TAF7L: variants seen among roughly 807,000 people sequenced by gnomAD.
The protein encoded by TAF7L is transcription initiation factor TFIID subunit 7-like.
In TAF7L, 6 loss-of-function variants were observed where a neutral mutation model predicts 30.2. The observed-to-expected ratio is 0.20, with a 90% confidence interval of 0.11 to 0.39. The LOEUF is 0.39. TAF7L is among the 10% of genes least tolerant of loss of function. The pLI, the probability that TAF7L is intolerant of heterozygous loss-of-function variation, is 1.00. For synonymous variants in TAF7L, 93 were observed against 94.5 expected (o/e 0.98, Z 0.09); for missense variants, 284 against 277.1 (o/e 1.03, Z -0.18).
At chrX:101,290,145 C>T (rs1364310482) in intron 1 of TAF7L, among the ~76,000 whole-genome samples, 2 of 109,803 alleles carry the variant, frequency 1.8e-5, no homozygotes, top group Non-Finnish European at 3.8e-5. Context: ...TGCAATGAGC[C>T]GAGATGGCGC....
rs1923863406 is a variant in TAF7L, at chrX:101,268,477, T to TCCCTTAGTTTTA, written c.*715_*716insTAAAACTAAGGG. ...TCTCTGCTCTAACTGTTCCCTTAGT[T>TCCCTTAGTTTTA]GGTGAATAACAACCAGCTCCATCCT... On this transcript the variant is annotated 3_prime_UTR_variant, in exon 13 of 13. Coordinates refer to ENST00000356784, the MANE Select transcript of TAF7L (RefSeq NM_001168474.2). 1 of 111,725 alleles carries TCCCTTAGTTTTA rather than the reference T, an allele frequency of 9.0e-6. No homozygotes were observed. The highest frequency in any genetic ancestry group is 1.9e-5 in the Non-Finnish European group (1 of 53,252). The allele number at this position is 111,725 out of a possible 1,213,427, so 9.2% of individuals were successfully genotyped here.
intron 2 of TAF7L, among the ~76,000 whole-genome samples, chrX:101,286,915 C>G (rs1332148727): frequency 8.9e-6 from 1 of 112,112 alleles, no homozygotes; most frequent in Non-Finnish European, 1.9e-5. Context: ...TGCTACCCTT[C>G]TGTTGTAGTT....
upstream of TAF7L, among the ~76,000 whole-genome samples, chrX:101,292,238 C>CAAA (rs776702288): frequency 2.2e-5 from 1 of 45,289 alleles, no homozygotes; most frequent in Non-Finnish European, 3.6e-5. Flanking sequence ...GACTCCGTCT[C>CAAA]AAAAAAAAAA....
At chrX:101,275,150 T>G in intron 12 of TAF7L, 72 bp downstream of exon 12, 12 of 779,716 alleles carry the variant, frequency 1.5e-5, no homozygotes, top group Non-Finnish European at 2.3e-5. Context: ...CAGCCAGCAA[T>G]GATATTGGAA....
intron 9 of TAF7L, 136 bp downstream of exon 9, chrX:101,277,470 A>AAAAT: frequency 2.8e-6 from 1 of 352,094 alleles, no homozygotes; most frequent in Non-Finnish European, 4.9e-6. Context: ...AAAAAAAAAA[A>AAAAT]GAGGGAAGGA....
At chrX:101,283,668 G>T in intron 3 of TAF7L, 85 bp from the exon 4 acceptor site, 1 of 1,013,047 alleles carries the variant, frequency 9.9e-7, no homozygotes, top group Non-Finnish European at 1.4e-6. Context: ...ACTTATGTGG[G>T]ACAGATTAGT....
chrX:101,281,771 C>T lies in TAF7L; in HGVS notation c.411G>A (p.Thr137=), dbSNP rs1489738834. Residue 137 remains threonine (T), a synonymous_variant, in exon 6 of 13, where the codon ACG becomes ACA. Coordinates refer to ENST00000356784, the MANE Select transcript of TAF7L (RefSeq NM_001168474.2). ...EEKCVWKHGI[T]PPLKNVRKKR... Reference sequence around the variant, plus strand: ...TCTTTCTGACATTCTTAAGTGGTGGCGTAACTAAAATAAATACAACACAGT... The same window carrying T: ...TCTTTCTGACATTCTTAAGTGGTGGTGTAACTAAAATAAATACAACACAGT... The T allele has an allele frequency of 1.5e-5, 18 of 1,207,254 alleles. No homozygotes were observed. Among genetic ancestry groups the T allele is most frequent in the East Asian group, 3.0e-5 (1 of 33,788 alleles).
chrX:101,272,106 T>C (rs1055119618), intron 12 of TAF7L, among the ~76,000 whole-genome samples: 1 of 111,378 alleles, frequency 9.0e-6, no homozygotes, highest in Non-Finnish European at 1.9e-5. Context: ...CCCTCAACAG[T>C]ATAAGGTTAG....
At chrX:101,274,875 A>G (rs1325514709) in intron 12 of TAF7L, among the ~76,000 whole-genome samples, 1 of 112,474 alleles carries the variant, frequency 8.9e-6, no homozygotes, top group East Asian at 2.8e-4. Context: ...ATAGGAACTT[A>G]ATTCTTCTTT....
At chrX:101,281,118 C>T (rs1201407641) in intron 6 of TAF7L, among the ~76,000 whole-genome samples, 1 of 111,390 alleles carries the variant, frequency 9.0e-6, no homozygotes, top group Admixed American at 9.6e-5. Context: ...CAAAAATACA[C>T]GAGTACAAGT....
At position 101,276,056 on chromosome X, in the gene TAF7L, T is replaced by G; in HGVS notation, c.970A>C (p.Asn324His). 1.2e-5 allele frequency: 15 copies of G among 1,207,363 alleles called. No individual in the cohort carries two copies. The highest frequency in any genetic ancestry group is 1.6e-5 in the Non-Finnish European group (14 of 894,367). The change falls in exon 11 of 13, where the codon AAT (asparagine) becomes CAT (histidine). Residue 324 changes from asparagine to histidine, a missense_variant. Coordinates refer to ENST00000356784, the MANE Select transcript of TAF7L (RefSeq NM_001168474.2). ...AGATCCTTCTGTCTTTGTGCTTTAT[T>G]CTGAATCTTATGGAGCTTTTTCTCC... ...KKEKKLHKIQ[N>H]KAQRQKDLIM...
Position 101,269,128 on chromosome X carries a change from A to G in TAF7L, c.*65T>C. On this transcript the variant is annotated 3_prime_UTR_variant, in exon 13 of 13. Coordinates refer to ENST00000356784, the MANE Select transcript of TAF7L (RefSeq NM_001168474.2). Reference sequence around the variant, plus strand: ...CAACTGAAGGGACAAAAACGTGCACAGTTTCATCCAATCTGCAGTCTGGAT... The same window carrying G: ...CAACTGAAGGGACAAAAACGTGCACGGTTTCATCCAATCTGCAGTCTGGAT... 8 of 1,024,959 alleles carry G rather than the reference A, an allele frequency of 7.8e-6. No homozygotes were observed. The South Asian group carries it at 1.4e-4, about 18-fold the overall frequency. 84.5% of individuals were successfully genotyped at this position (1,024,959 alleles called of 1,213,427 possible). A position where few individuals can be genotyped will look rare whatever the true frequency, so the allele number is the denominator to read the frequency against.
chrX:101,289,577 CTTTTG>C (rs372402221), intron 1 of TAF7L, among the ~76,000 whole-genome samples: 28 of 111,050 alleles, frequency 2.5e-4, no homozygotes, highest in Middle Eastern at 4.7e-3. Flanking sequence ...AGGGCCCACA[CTTTTG>C]TTTTGTTTTG....
At chrX:101,291,595 G>T (rs1924806344), upstream of TAF7L, among the ~76,000 whole-genome samples, 1 of 112,321 alleles carries the variant, frequency 8.9e-6, no homozygotes, top group Admixed American at 9.4e-5. Flanking sequence ...GGCCAGGCGC[G>T]GTGGCTCACG....
At chrX:101,274,939 T>G (rs1192431558) in intron 12 of TAF7L, among the ~76,000 whole-genome samples, 1 of 112,114 alleles carries the variant, frequency 8.9e-6, no homozygotes, top group Non-Finnish European at 1.9e-5. Flanking sequence ...TTATTTTGCT[T>G]AAAGTTACAG....
chrX:101,272,829 C>T (rs1326039801), intron 12 of TAF7L, among the ~76,000 whole-genome samples: 1 of 111,546 alleles, frequency 9.0e-6, no homozygotes, highest in Non-Finnish European at 1.9e-5. Context: ...GTCACCCAGG[C>T]TGGAGTGCAG....
At chrX:101,277,288 G>A (rs1275875797) in intron 9 of TAF7L, among the ~76,000 whole-genome samples, 1 of 102,976 alleles carries the variant, frequency 9.7e-6, no homozygotes, top group African/African-American at 3.6e-5. Context: ...GTGAAACCCC[G>A]ACGCTAGTAA....
chrX:101,276,250 T>C, intron 10 of TAF7L, 57 bp downstream of exon 10: 1 of 1,204,270 alleles, frequency 8.3e-7, no homozygotes, highest in East Asian at 3.0e-5. Context: ...ATGCTTAGAG[T>C]CAACTGTTAG....
chrX:101,283,663 T>C (rs1297222715), intron 3 of TAF7L, 80 bp from the exon 4 acceptor site: 3 of 1,063,866 alleles, frequency 2.8e-6, no homozygotes, highest in Admixed American at 2.5e-5. Flanking sequence ...TGAAGACTTA[T>C]GTGGGACAGA....
Sources: allele counts gnomAD v4.1 joint callset (sites outside exome capture counted in the v4.1 genomes callset), GRCh38; gene constraint gnomAD v4.1.1; transcripts MANE v1.5; gene names NCBI Gene and HGNC (gene_info 2026-07-23, HGNC 2026-07-21).